BRWD3: variants seen among roughly 807,000 people sequenced by gnomAD.
The protein encoded by BRWD3 is bromodomain and WD repeat domain containing 3.
BRWD3 carries 10 observed loss-of-function variants against 149.7 expected under a neutral mutation model. The ratio of observed to expected loss-of-function variants is 0.07; its 90% CI spans 0.04 to 0.11. The LOEUF is 0.11. Among genes scored for constraint, BRWD3 ranks in the 10% least tolerant of loss-of-function variants. BRWD3 has a pLI of 1.00. For synonymous variants in BRWD3, 504 were observed against 456.7 expected (o/e 1.10, Z -1.32); for missense variants, 940 against 1,373.2 (o/e 0.68, Z 4.99).
chrX:80,741,084 G>A (rs1461721761), intron 8 of BRWD3, among the ~76,000 whole-genome samples: 1 of 108,748 alleles, frequency 9.2e-6, no homozygotes, highest in African/African-American at 3.4e-5. Context: ...AACAGGCCCT[G>A]GTGTGTGATG....
chrX:80,704,786 T>G lies in BRWD3; in HGVS notation c.2613A>C (p.Pro871=), dbSNP rs769833647. 59 of 1,209,712 alleles carry G rather than the reference T, an allele frequency of 4.9e-5. No individual in the cohort carries two copies. The highest frequency in any genetic ancestry group is 2.3e-4 in the Middle Eastern group (1 of 4,354). The change falls in exon 23 of 41, where the codon CCA becomes CCC. Residue 871 remains proline, a synonymous_variant. Transcript: ENST00000373275. The part of the protein sequence containing the change: ...TADAGINLQP[P]KRQTRQTTRK... ...GTGTTGTCTGTCTGGTTTGTCTTTT[T>G]GGGGGTTGTAAATTTATTCCAGCAT... is the stretch of plus-strand genomic sequence containing the variant.
At chrX:80,699,202 G>A (rs6524018) in intron 25 of BRWD3, among the ~76,000 whole-genome samples, 2,220 of 110,857 alleles carry the variant, frequency 0.02, 59 homozygotes, top group African/African-American at 0.068. Flanking sequence ...GCAACAGAGC[G>A]AGACTCCGTT....
chrX:80,773,098 G>T (rs958993908), intron 6 of BRWD3, among the ~76,000 whole-genome samples: 1 of 112,095 alleles, frequency 8.9e-6, no homozygotes, highest in Non-Finnish European at 1.9e-5. Context: ...GAGGGAAGCC[G>T]ATGTGGTTAT....
intron 6 of BRWD3, among the ~76,000 whole-genome samples, chrX:80,751,040 A>G (rs1350661227): frequency 9.0e-6 from 1 of 111,411 alleles, no homozygotes; most frequent in Admixed American, 9.6e-5. Context: ...TGTAGAAGCT[A>G]AAAAAGTTGA....
At chrX:80,773,696 C>A (rs930419968) in intron 6 of BRWD3, among the ~76,000 whole-genome samples, 5 of 111,940 alleles carry the variant, frequency 4.5e-5, no homozygotes, top group Non-Finnish European at 9.4e-5. Flanking sequence ...CTATCCTATG[C>A]AGGTATCTTC....
intron 6 of BRWD3, among the ~76,000 whole-genome samples, chrX:80,767,607 G>A (rs1329602514): frequency 4.5e-5 from 5 of 111,374 alleles, no homozygotes; most frequent in African/African-American, 1.6e-4. Context: ...GGAAAAACCA[G>A]AGCAGAAAAG....
At chrX:80,808,631 G>C (rs372154658) in intron 3 of BRWD3, 33 bp from the exon 4 acceptor site, 1 of 1,174,850 alleles carries the variant, frequency 8.5e-7, no homozygotes, top group African/African-American at 1.8e-5. Context: ...GGGGGAAGCG[G>C]AGGCAAATGA....
chrX:80,733,255 G>C (rs1194881627), intron 12 of BRWD3: 3 of 358,017 alleles, frequency 8.4e-6, no homozygotes, highest in African/African-American at 8.1e-5. Flanking sequence ...CACTCAGAAA[G>C]GACGACCTGA....
chrX:80,713,500 CTTAAGAGTCATCA>C (rs1321131095), intron 20 of BRWD3, among the ~76,000 whole-genome samples: 1 of 109,205 alleles, frequency 9.2e-6, no homozygotes. Flanking sequence ...CAGCATGCTC[CTTAAGAGTCATCA>C]CCACTCCCTA....
intron 14 of BRWD3, among the ~76,000 whole-genome samples, chrX:80,725,851 C>T (rs1000746904): frequency 2.8e-4 from 29 of 102,766 alleles, no homozygotes; most frequent in African/African-American, 4.0e-4. Context: ...GTGTTACATG[C>T]CTATATAACA....
intron 6 of BRWD3, among the ~76,000 whole-genome samples, chrX:80,782,167 C>T (rs188902036): frequency 8.9e-4 from 99 of 111,383 alleles, no homozygotes; most frequent in African/African-American, 3.0e-3. Context: ...AAACATAGGC[C>T]AATGGAACAG....
At chrX:80,680,472 A>G (rs1455177027) in intron 40 of BRWD3, among the ~76,000 whole-genome samples, 1 of 112,139 alleles carries the variant, frequency 8.9e-6, no homozygotes, top group Non-Finnish European at 1.9e-5. Context: ...GAATGCCTGA[A>G]GTACTTTTGT....
intron 6 of BRWD3, among the ~76,000 whole-genome samples, chrX:80,775,988 TCA>T (rs1157544219): frequency 4.5e-5 from 5 of 112,136 alleles, no homozygotes; most frequent in African/African-American, 1.6e-4. Context: ...CTGCCTAACA[TCA>T]CAGAGTCAAA....
chrX:80,695,876 T>A, intron 27 of BRWD3, 32 bp downstream of exon 27: 1 of 1,110,461 alleles, frequency 9.0e-7, no homozygotes, highest in Non-Finnish European at 1.2e-6. Flanking sequence ...TACATAAGCT[T>A]AATAGTTATT....
intron 6 of BRWD3, among the ~76,000 whole-genome samples, chrX:80,779,693 G>A (rs754163796): frequency 8.9e-6 from 1 of 112,027 alleles, no homozygotes; most frequent in Admixed American, 9.5e-5. Flanking sequence ...AAGAAGCCAC[G>A]AAAGCGACAA....
intron 6 of BRWD3, among the ~76,000 whole-genome samples, chrX:80,786,550 G>A (rs1281982189): frequency 2.7e-5 from 3 of 109,182 alleles, no homozygotes; most frequent in Non-Finnish European, 5.7e-5. Context: ...TTGCTCTGTC[G>A]CCCAGGCTGG....
intron 26 of BRWD3, among the ~76,000 whole-genome samples, chrX:80,696,394 C>G (rs1260724359): frequency 9.1e-6 from 1 of 110,060 alleles, no homozygotes; most frequent in Admixed American, 9.8e-5. Context: ...AAAGGTTTGT[C>G]TTTGATTCCT....
At chrX:80,698,780 C>T (rs935803379) in intron 25 of BRWD3, among the ~76,000 whole-genome samples, 4 of 110,016 alleles carry the variant, frequency 3.6e-5, no homozygotes, top group African/African-American at 1.3e-4. Context: ...TCAACTTTTA[C>T]TTGATGACGA....
At chrX:80,768,839 T>C (rs1228856161) in intron 6 of BRWD3, among the ~76,000 whole-genome samples, 2 of 107,622 alleles carry the variant, frequency 1.9e-5, no homozygotes, top group African/African-American at 6.8e-5. Context: ...GAGACCCAAC[T>C]CAGGTGCAGA....
Sources: allele counts gnomAD v4.1 joint callset (sites outside exome capture counted in the v4.1 genomes callset), GRCh38; gene constraint gnomAD v4.1.1; transcripts MANE v1.5; gene names NCBI Gene and HGNC (gene_info 2026-07-23, HGNC 2026-07-21).